The following SLC71A2 variants were observed in gnomAD, a reference collection of about 807,000 sequenced individuals.
SLC71A2 encodes solute carrier family 71 member 2.
chr9:94,413,677 A>AG, the SLC71A2 span, among the ~76,000 whole-genome samples: 1 of 149,558 alleles, frequency 6.7e-6, no homozygotes, highest in Non-Finnish European at 1.5e-5. Flanking sequence ...AAAAAAAAAA[A>AG]GCTAATTAAG....
chr9:94,394,920 T>TG, the SLC71A2 span, among the ~76,000 whole-genome samples: 6 of 85,572 alleles, frequency 7.0e-5, no homozygotes, highest in African/African-American at 2.0e-4. Flanking sequence ...TTTTTGTTTT[T>TG]TTTTTTTTTT....
the SLC71A2 span, chr9:94,374,737 A>C: frequency 1.1e-5 from 2 of 180,416 alleles, no homozygotes; most frequent in African/African-American, 4.8e-5. Flanking sequence ...CGCAGAGCCC[A>C]TGAGGGCGCG....
At chr9:94,448,631 C>A in the SLC71A2 span, among the ~76,000 whole-genome samples, 1 of 152,120 alleles carries the variant, frequency 6.6e-6, no homozygotes, top group South Asian at 2.1e-4. Flanking sequence ...ATAAATAAAA[C>A]CTTTTTACTT....
At chr9:94,443,995 C>T in the SLC71A2 span, among the ~76,000 whole-genome samples, 1 of 152,080 alleles carries the variant, frequency 6.6e-6, no homozygotes, top group Non-Finnish European at 1.5e-5. Context: ...TTTTATAGTA[C>T]TTTTAGTATA....
the SLC71A2 span, among the ~76,000 whole-genome samples, chr9:94,425,747 C>G: frequency 4.6e-5 from 7 of 152,012 alleles, no homozygotes; most frequent in Non-Finnish European, 1.0e-4. Flanking sequence ...CAAAGGCAGT[C>G]TAGTCTCCAG....
the SLC71A2 span, among the ~76,000 whole-genome samples, chr9:94,413,659 CAAAA>C: frequency 8.3e-3 from 845 of 101,952 alleles, 9 homozygotes; most frequent in Admixed American, 0.013. Context: ...GACTTCATCT[CAAAA>C]AAAAAAAAAA....
chr9:94,407,305 T>A, the SLC71A2 span, among the ~76,000 whole-genome samples: 1 of 152,070 alleles, frequency 6.6e-6, no homozygotes, highest in Non-Finnish European at 1.5e-5. Flanking sequence ...CTTAATAAAC[T>A]GTTGAATTTG....
chr9:94,421,696 T>C, the SLC71A2 span, among the ~76,000 whole-genome samples: 1 of 152,042 alleles, frequency 6.6e-6, no homozygotes, highest in Non-Finnish European at 1.5e-5. Context: ...ATATTTTGCG[T>C]TTTGTGTGAT....
the SLC71A2 span, chr9:94,453,978 G>C: frequency 6.2e-7 from 1 of 1,613,622 alleles, no homozygotes; most frequent in Non-Finnish European, 8.5e-7. Flanking sequence ...TTAGCATCTT[G>C]ATGAGATCAT....
chr9:94,459,879 G>A, the SLC71A2 span: 21 of 160,272 alleles, frequency 1.3e-4, no homozygotes, highest in Non-Finnish European at 2.8e-5. Context: ...CAGCCCATAG[G>A]TGTTGATGAG....
At chr9:94,408,715 A>G in the SLC71A2 span, among the ~76,000 whole-genome samples, 8 of 149,780 alleles carry the variant, frequency 5.3e-5, no homozygotes, top group African/African-American at 2.0e-4. Context: ...CATTTCTGGT[A>G]TTAGTAATTC....
chr9:94,410,199 G>C, the SLC71A2 span, among the ~76,000 whole-genome samples: 2 of 151,596 alleles, frequency 1.3e-5, no homozygotes, highest in Non-Finnish European at 2.9e-5. Flanking sequence ...GCACTCCAGC[G>C]ATCTTCCTGC....
the SLC71A2 span, chr9:94,445,159 T>C: frequency 6.2e-7 from 1 of 1,613,564 alleles, no homozygotes; most frequent in Non-Finnish European, 8.5e-7. Flanking sequence ...TCAGATTTCT[T>C]GGAAACAAGC....
the SLC71A2 span, among the ~76,000 whole-genome samples, chr9:94,410,854 C>T: frequency 6.6e-6 from 1 of 152,210 alleles, no homozygotes; most frequent in Non-Finnish European, 1.5e-5. Flanking sequence ...CAGCCTCCGC[C>T]TCCTGGGTTC....
At chr9:94,401,812 G>A in the SLC71A2 span, among the ~76,000 whole-genome samples, 1 of 152,014 alleles carries the variant, frequency 6.6e-6, no homozygotes, top group Admixed American at 6.6e-5. Flanking sequence ...TAAAGTGAAA[G>A]CAAGTTTATT....
the SLC71A2 span, among the ~76,000 whole-genome samples, chr9:94,425,409 T>A: frequency 6.6e-6 from 1 of 152,196 alleles, no homozygotes; most frequent in Admixed American, 6.5e-5. Context: ...ATTGAAGAGC[T>A]GATTATAAAA....
At chr9:94,392,009 C>T in the SLC71A2 span, among the ~76,000 whole-genome samples, 203 of 152,218 alleles carry the variant, frequency 1.3e-3, 3 homozygotes, top group East Asian at 0.035. Flanking sequence ...TGAACCATTG[C>T]GCCTTCCCCC....
the SLC71A2 span, among the ~76,000 whole-genome samples, chr9:94,424,727 C>CTTTTTTTTTTTTT: frequency 4.6e-4 from 42 of 91,828 alleles, no homozygotes; most frequent in Admixed American, 5.1e-4. Context: ...TTGTTTTCTG[C>CTTTTTTTTTTTTT]TTTTTTTTTT....
At chr9:94,413,471 C>T in the SLC71A2 span, among the ~76,000 whole-genome samples, 2 of 151,776 alleles carry the variant, frequency 1.3e-5, no homozygotes, top group Non-Finnish European at 2.9e-5. Context: ...GTGAAAATTC[C>T]ATGTACTCCT....
Sources: gnomAD v4.1 joint callset for allele counts (sites outside exome capture counted in the v4.1 genomes callset) on GRCh38, gnomAD v4.1.1 for gene constraint, MANE v1.5 for transcripts, NCBI Gene and HGNC (gene_info 2026-07-23, HGNC 2026-07-21) for gene names.